Variants in KRT5 observed in about 807,000 individuals in gnomAD.
The protein encoded by KRT5 is keratin 5.
A neutral mutation model predicts 44.0 loss-of-function variants in KRT5; 17 were observed. The ratio of observed to expected loss-of-function variants is 0.39; its 90% CI spans 0.26 to 0.58. The LOEUF is 0.58. KRT5 is among the 20% of genes least tolerant of loss of function. The pLI is 0.61. For synonymous variants in KRT5, 329 were observed against 312.8 expected, an observed-to-expected ratio of 1.05 and a Z score of -0.55; for missense variants, 737 against 785.5, an observed-to-expected ratio of 0.94 and a Z score of 0.74.
chr12:52,517,808 C>T, intron 4 of KRT5, 54 bp from the exon 5 acceptor site: 47 of 1,611,270 alleles, frequency 2.9e-5, no homozygotes, highest in Non-Finnish European at 3.8e-5. Context: ...TATTTAATGT[C>T]AGTTCCATTC....
Position 52,514,820 on chromosome 12 carries a change from A to G in KRT5, c.*122T>C. 1.2e-6 allele frequency: 1 copy of G among 835,022 alleles called. No individual in the cohort carries two copies. Among genetic ancestry groups the G allele is most frequent in the South Asian group, 1.6e-5 (1 of 63,288 alleles). 51.7% of individuals were successfully genotyped at this position (835,022 alleles called of 1,614,324 possible). The stretch of plus-strand genomic sequence containing the variant: ...GGGAACCAAAGAATGTGGTTCTGCA[A>G]TTGGCTTGGTCTAGACTACTCTCCA... On this transcript the variant is annotated 3_prime_UTR_variant, in exon 9 of 9. Coordinates refer to ENST00000252242, the MANE Select transcript of KRT5 (RefSeq NM_000424.4).
In KRT5 at chr12:52,514,672, A is replaced by G; in HGVS notation, c.*270T>C. Reference sequence around the variant, plus strand: ...TGGGGATTCTGTTTTGATGATTTAGATTTGGGAAAACTTTGGGTTCTCGTG... The same window carrying G: ...TGGGGATTCTGTTTTGATGATTTAGGTTTGGGAAAACTTTGGGTTCTCGTG... On this transcript the variant is annotated 3_prime_UTR_variant, in exon 9 of 9. Transcript: ENST00000252242. The G allele has an allele frequency of 2.1e-6, 1 of 479,624 alleles. No homozygotes were observed. Among genetic ancestry groups the G allele is most frequent in the Non-Finnish European group, 3.7e-6 (1 of 271,936 alleles). 29.7% of individuals were successfully genotyped at this position (479,624 alleles called of 1,614,324 possible).
Position 52,516,724 on chromosome 12 carries a change from C to T in KRT5, c.1352G>A (p.Arg451His), listed in dbSNP as rs200563006. Residue 451 changes from arginine to histidine, a missense_variant, in exon 7 of 9, where the codon CGT becomes CAT. Physicochemically the swap from Arg to His is conservative, Grantham distance 29 (BLOSUM62 0). Around this residue, in one of 5 missense-constraint regions of KRT5, gnomAD observed 344 missense variants for 351.6 expected, o/e 0.98. Transcript: ENST00000252242. Reference protein sequence around the residue: ...KAKQDMARLLREYQELMNTKL... With the variant: ...KAKQDMARLLHEYQELMNTKL... ...GGTGTTCATGAGCTCCTGGTACTCA[C>T]GCAGCAGCCGGGCCATGTCCTGCTT... The T allele has an allele frequency of 1.9e-5, 31 of 1,614,222 alleles. No individual in the cohort carries two copies. The East Asian group carries it at 2.5e-4, about 13-fold the overall frequency.
chr12:52,520,061 C>A lies in KRT5; in HGVS notation c.236G>T (p.Ser79Ile). The A allele has an allele frequency of 6.2e-7, 1 of 1,614,148 alleles. No homozygotes were observed. Among genetic ancestry groups the A allele is most frequent in the Non-Finnish European group, 8.5e-7 (1 of 1,180,018 alleles). Residue 79 changes from serine (S) to isoleucine (I), a missense_variant, in exon 1 of 9, where the codon AGT becomes ATT. By Grantham distance (142) the Ser-to-Ile change is moderately radical. Transcript: ENST00000252242. ...AAACCGGTTCCTGAAGCTGCCACCA[C>A]TAGTGCTGATGGATATCCTCTTGGA... ...GGSKRISIST[S>I]GGSFRNRFGA...
intron 7 of KRT5, chr12:52,516,162 C>T (rs370330803): frequency 6.2e-5 from 29 of 469,800 alleles, no homozygotes; most frequent in African/African-American, 1.4e-4. Context: ...GAACTTGGCA[C>T]GGACAGAAAT....
intron 5 of KRT5, 144 bp downstream of exon 5, chr12:52,517,446 G>A: frequency 9.3e-7 from 1 of 1,075,888 alleles, no homozygotes; most frequent in Non-Finnish European, 1.4e-6. Flanking sequence ...GGTTTAGATG[G>A]AAATTGTCTA....
At chr12:52,516,914 A>G (rs1293208828) in intron 6 of KRT5, 57 bp from the exon 7 acceptor site, 1 of 1,597,094 alleles carries the variant, frequency 6.3e-7, no homozygotes, top group Non-Finnish European at 8.6e-7. Context: ...TCTCCTTCTG[A>G]GTTTCTGGGT....
chr12:52,519,037 T>C lies in KRT5; in HGVS notation c.679A>G (p.Arg227Gly). 4 of 1,614,194 alleles carry C rather than the reference T, an allele frequency of 2.5e-6. No homozygotes were observed. Among genetic ancestry groups the C allele is most frequent in the Non-Finnish European group, 2.5e-6 (3 of 1,180,024 alleles). ...CCCACGATGCTGTCCAGCTGCCTCC[T>C]GAGGTTGTTGATGTACTGCTCGAAC... Reference protein sequence around the residue: ...PLFEQYINNLRRQLDSIVGER... With the variant: ...PLFEQYINNLGRQLDSIVGER... The change falls in exon 2 of 9, where the codon AGG (arginine) becomes GGG (glycine). Residue 227 changes from arginine to glycine, a missense_variant. This residue lies in a region of KRT5 where 326 missense variants were observed against 333.1 expected (regional missense o/e 0.98). Coordinates refer to ENST00000252242, the MANE Select transcript of KRT5 (RefSeq NM_000424.4).
intron 6 of KRT5, 27 bp from the exon 7 acceptor site, chr12:52,516,884 G>A: frequency 2.5e-6 from 4 of 1,612,264 alleles, no homozygotes; most frequent in Admixed American, 3.3e-5. Flanking sequence ...GGAGAGTGGG[G>A]TTGCTTGGGA....
Position 52,514,845 on chromosome 12 carries a change from A to G in KRT5, c.*97T>C. ...ATTGGCTTGGTCTAGACTACTCTCC[A>G]GAAAAGGATAAAACATGGCTTGAGC... On this transcript the variant is annotated 3_prime_UTR_variant, in exon 9 of 9. Transcript: ENST00000252242. The G allele has an allele frequency of 9.0e-7, 1 of 1,106,770 alleles. No individual in the cohort carries two copies. Among genetic ancestry groups the G allele is most frequent in the Non-Finnish European group, 1.4e-6 (1 of 734,962 alleles). The allele number at this position is 1,106,770 out of a possible 1,614,324, so 68.6% of individuals were successfully genotyped here. A position where few individuals can be genotyped will look rare whatever the true frequency, so the allele number is the denominator to read the frequency against.
intron 8 of KRT5, chr12:52,515,512 G>A: frequency 1.6e-6 from 1 of 622,324 alleles, no homozygotes; most frequent in Non-Finnish European, 2.8e-6. Flanking sequence ...ACTGAGGGGA[G>A]GAGCTAGGTA....
At chr12:52,517,012 G>C (rs1938621992) in intron 6 of KRT5, 95 bp downstream of exon 6, 1 of 1,527,730 alleles carries the variant, frequency 6.5e-7, no homozygotes, top group African/African-American at 1.4e-5. Context: ...GGATCTAGCT[G>C]CGTGTGTTTA....
Position 52,514,577 on chromosome 12 carries a change from A to C in KRT5, c.*365T>G. On this transcript the variant is annotated 3_prime_UTR_variant, in exon 9 of 9. Transcript: ENST00000252242. ...AAAAAACAATTCTGCACACCAGCTTATATTATAAAAGCATTTTATTGAACA... is the reference window on the plus strand; with the variant it reads ...AAAAAACAATTCTGCACACCAGCTTCTATTATAAAAGCATTTTATTGAACA... 1 of 267,518 alleles carries C rather than the reference A, an allele frequency of 3.7e-6. No individual in the cohort carries two copies. The highest frequency in any genetic ancestry group is 7.1e-6 in the Non-Finnish European group (1 of 141,110). The allele number at this position is 267,518 out of a possible 1,614,324, so 16.6% of individuals were successfully genotyped here.
rs1938589951 is a variant in KRT5, at chr12:52,515,195, C to T, written c.1520G>A (p.Gly507Asp). ...ACCTCCACCGAGGCCACCGCCATAG[C>T]CACTGCCACTGCCATATCCAGAGGA... ...SVSSGYGSGS[G>D]YGGGLGGGLG... The change falls in exon 9 of 9, where the codon GGC becomes GAC. Residue 507 changes from glycine to aspartate, a missense_variant. Physicochemically the swap from Gly to Asp is moderately conservative, Grantham distance 94. This residue lies in a region of KRT5 where 344 missense variants were observed against 351.6 expected (regional missense o/e 0.98). Transcript: ENST00000252242. 2 of 1,610,974 alleles carry T rather than the reference C, an allele frequency of 1.2e-6. No homozygotes were observed. Among genetic ancestry groups the T allele is most frequent in the Non-Finnish European group, 1.7e-6 (2 of 1,179,948 alleles).
chr12:52,516,559 T>C (rs922219619), intron 7 of KRT5, 78 bp downstream of exon 7: 1 of 1,298,948 alleles, frequency 7.7e-7, no homozygotes, highest in Non-Finnish European at 1.1e-6. Context: ...ATCTCATGTA[T>C]GTGTGTTGTA....
chr12:52,515,080 C>T lies in KRT5; in HGVS notation c.1635G>A (p.Gly545=). Reference sequence around the variant, plus strand: ...TGAAGCCAGAGCCCCCCACACTGAGCCCACCACCTAGGCCGACACCCCCAC... The same window carrying T: ...TGAAGCCAGAGCCCCCCACACTGAGTCCACCACCTAGGCCGACACCCCCAC... The part of the protein sequence containing the change: ...SSSGGVGLGG[G]LSVGGSGFSA... Residue 545 remains glycine, a synonymous_variant, in exon 9 of 9, where the codon GGG becomes GGA. Coordinates refer to ENST00000252242, the MANE Select transcript of KRT5 (RefSeq NM_000424.4). 3 of 1,612,652 alleles carry T rather than the reference C, an allele frequency of 1.9e-6. No homozygotes were observed. Among genetic ancestry groups the T allele is most frequent in the Non-Finnish European group, 2.5e-6 (3 of 1,179,498 alleles).
In KRT5 at chr12:52,516,775, T is replaced by A. The variant is rs751992720; in HGVS notation, c.1301A>T (p.Glu434Val). The change falls in exon 7 of 9, where the codon GAG (glutamate) becomes GTG (valine). Residue 434 changes from glutamate to valine, a missense_variant. Coordinates refer to ENST00000252242, the MANE Select transcript of KRT5 (RefSeq NM_000424.4). ...ALKDARNKLA[E>V]LEEALQKAKQ... The stretch of plus-strand genomic sequence containing the variant: ...GGCCTTCTGCAGGGCCTCCTCCAGC[T>A]CGGCCAGCTTGTTCCTGGCATCCTT... The A allele has an allele frequency of 6.2e-6, 10 of 1,614,044 alleles. No individual in the cohort carries two copies. The East Asian group carries it at 8.9e-5, about 14-fold the overall frequency.
intron 1 of KRT5, 36 bp from the exon 2 acceptor site, chr12:52,519,196 G>C (rs745609596): frequency 3.7e-6 from 6 of 1,613,196 alleles, no homozygotes; most frequent in Admixed American, 1.7e-5. Context: ...AGAGAAACTT[G>C]GATTTCATGT....
In KRT5 at chr12:52,514,623, C is replaced by A; in HGVS notation, c.*319G>T. The stretch of plus-strand genomic sequence containing the variant: ...GAACACATTCTGGAGGTAGTTAGAA[C>A]CAAAACAAAATTTGGGATTGGGGTG... On this transcript the variant is annotated 3_prime_UTR_variant, in exon 9 of 9. Coordinates refer to ENST00000252242, the MANE Select transcript of KRT5 (RefSeq NM_000424.4). 1 of 401,120 alleles carries A rather than the reference C, an allele frequency of 2.5e-6. No individual in the cohort carries two copies. The allele number at this position is 401,120 out of a possible 1,614,324, so 24.8% of individuals were successfully genotyped here.
Sources: allele counts gnomAD v4.1 joint callset, GRCh38; gene constraint gnomAD v4.1.1; regional missense constraint gnomAD v4.1.1; transcripts MANE v1.5; gene names NCBI Gene and HGNC (gene_info 2026-07-23, HGNC 2026-07-21).